Variants in DEF8 observed in about 807,000 individuals in gnomAD.
DEF8 encodes the protein DEF-8.
A neutral mutation model predicts 59.1 loss-of-function variants in DEF8; 38 were observed. The observed-to-expected ratio is 0.64, with a 90% CI of 0.50 to 0.84. DEF8 has a LOEUF of 0.84. Ranked by LOEUF, DEF8 falls within the 40% of genes least tolerant of loss-of-function variation. The pLI is 0.00. For missense variants in DEF8, 557 were observed against 615.2 expected, an observed-to-expected ratio of 0.91 and a Z score of 1.00; for synonymous variants, 265 against 250.1, an observed-to-expected ratio of 1.06 and a Z score of -0.56.
rs2032748651 is a variant in DEF8 at position 89,954,380 on chromosome 16, G to A, written c.124+4G>A. ...GTCCCGGACGTCACTCCTGAAGGTG[G>A]GTGCTGGTGGGAGTCAGGGTGGGAG... On this transcript the variant is annotated splice_donor_region_variant and intron_variant, in intron 3 of 12. Transcript: ENST00000563594. This position sits in a 1 kb window ranked among gnomAD's most constrained non-coding sequence, Gnocchi z 4.3. The A allele has an allele frequency of 1.2e-6, 2 of 1,612,888 alleles. No homozygotes were observed. Among genetic ancestry groups the A allele is most frequent in the South Asian group, 2.2e-5 (2 of 91,002 alleles).
At chr16:89,953,857 G>C (rs1209696654) in intron 2 of DEF8, among the ~76,000 whole-genome samples, 1 of 152,208 alleles carries the variant, frequency 6.6e-6, no homozygotes. Context: ...AAGCTAGAGC[G>C]GGGCTGAGTG....
rs1261486916 is a variant in DEF8 at position 89,954,177 on chromosome 16, G to A, written c.-10-66G>A. 1 of 1,570,502 alleles carries A rather than the reference G, an allele frequency of 6.4e-7. No homozygotes were observed. On this transcript the variant is annotated intron_variant, in intron 2 of 12. Coordinates refer to ENST00000563594, the MANE Select transcript of DEF8 (RefSeq NM_001242818.2). The surrounding 1 kb of genome is among the most constrained non-coding windows in gnomAD (Gnocchi z 4.3). ...ACCCCAGACACCCCAGTGTGGTTGG[G>A]GAAAGGGGGTGGTCCGTGGTGAGCC...
At chr16:89,956,462 A>AAT (rs1567792379) in intron 4 of DEF8, 1 of 151,980 alleles carries the variant, frequency 6.6e-6, no homozygotes, top group Non-Finnish European at 1.5e-5. Context: ...TCTGAAAAAA[A>AAT]AAAAAAGAGG....
intron 11 of DEF8, 48 bp downstream of exon 11, chr16:89,964,358 G>A (rs746077709): frequency 1.9e-6 from 3 of 1,550,020 alleles, no homozygotes; most frequent in East Asian, 2.4e-5. Flanking sequence ...AGCCCTGAGG[G>A]GGGATTGGCA....
rs1421629133 is a variant in DEF8, at chr16:89,948,894, C to G, written c.-108+80C>G. On this transcript the variant is annotated intron_variant, in intron 1 of 12. Transcript: ENST00000563594. The stretch of plus-strand genomic sequence containing the variant: ...ACGGGGCCGGCGGGGACGGGGTCGG[C>G]GGGGTCGGGGCTGGGAGGGACGGGG... 3 of 45,204 alleles carry G rather than the reference C, an allele frequency of 6.6e-5. 1 individual carries two copies. Among genetic ancestry groups the G allele is most frequent in the African/African-American group, 5.5e-4 (3 of 5,464 alleles). The allele number at this position is 45,204 out of a possible 1,614,324, so 2.8% of individuals were successfully genotyped here.
chr16:89,960,816 G>A, intron 6 of DEF8, 115 bp from the exon 7 acceptor site: 1 of 1,105,236 alleles, frequency 9.0e-7, no homozygotes, highest in Non-Finnish European at 1.3e-6. Context: ...GGAGGTCTTA[G>A]ATTGATCTGG....
chr16:89,961,721 C>A lies in DEF8; in HGVS notation c.680-16C>A. 1 of 1,612,448 alleles carries A rather than the reference C, an allele frequency of 6.2e-7. No individual in the cohort carries two copies. Among genetic ancestry groups the A allele is most frequent in the Non-Finnish European group, 8.5e-7 (1 of 1,179,952 alleles). Reference sequence around the variant, plus strand: ...TTTGTGAGGCAGGGACACTCAGGGCCCCTCTGACCCTGCAGGGGGTGTGCC... The same window carrying A: ...TTTGTGAGGCAGGGACACTCAGGGCACCTCTGACCCTGCAGGGGGTGTGCC... On this transcript the variant is annotated splice_polypyrimidine_tract_variant and intron_variant, in intron 7 of 12. Transcript: ENST00000563594.
intron 4 of DEF8, 40 bp from the exon 5 acceptor site, chr16:89,957,471 A>G (rs1389662594): frequency 6.5e-7 from 1 of 1,548,142 alleles, no homozygotes; most frequent in Admixed American, 2.0e-5. Context: ...GAGCTCCTGC[A>G]GGATGGGCCT....
chr16:89,962,246 C>G (rs746936134), intron 9 of DEF8, 121 bp downstream of exon 9: 5 of 868,296 alleles, frequency 5.8e-6, no homozygotes, highest in Admixed American at 2.2e-5. Flanking sequence ...GGGAGGCCAC[C>G]TGCTTAGGGT....
chr16:89,957,980 C>G (rs1053943330), intron 5 of DEF8: 3 of 203,240 alleles, frequency 1.5e-5, no homozygotes, highest in Non-Finnish European at 3.0e-5. Context: ...TCTTCCAACT[C>G]GACTTCCTGT....
At chr16:89,962,650 C>G (rs1366920607) in intron 9 of DEF8, among the ~76,000 whole-genome samples, 1 of 152,074 alleles carries the variant, frequency 6.6e-6, no homozygotes, top group Non-Finnish European at 1.5e-5. Flanking sequence ...GAGCGAAACT[C>G]TGTCTCAAAA....
chr16:89,949,340 G>C, intron 1 of DEF8, 77 bp from the exon 2 acceptor site: 2 of 1,218,100 alleles, frequency 1.6e-6, no homozygotes, highest in East Asian at 2.4e-5. Flanking sequence ...TGCCCCCGAG[G>C]AGCCCGGGAG....
At chr16:89,961,667 A>C in intron 7 of DEF8, 70 bp from the exon 8 acceptor site, 1 of 1,591,426 alleles carries the variant, frequency 6.3e-7, no homozygotes, top group Non-Finnish European at 8.5e-7. Flanking sequence ...GGGAGGACAG[A>C]CCATGAGGCT....
In DEF8 at chr16:89,967,137, C is replaced by A. The variant is rs984895049; in HGVS notation, c.*1174C>A. On this transcript the variant is annotated 3_prime_UTR_variant, in exon 13 of 13. Transcript: ENST00000563594. ...GGCCTCAGGAGAGGACGTGTCAGGA[C>A]GTGGCTTCCCAGCCTTCTGCCTTGG... 4 of 397,070 alleles carry A rather than the reference C, an allele frequency of 1.0e-5. No homozygotes were observed. The highest frequency in any genetic ancestry group is 1.3e-5 in the Non-Finnish European group (3 of 225,668). The allele number at this position is 397,070 out of a possible 1,614,324, so 24.6% of individuals were successfully genotyped here.
At chr16:89,955,356 G>T in intron 4 of DEF8, 90 bp downstream of exon 4, 2 of 1,082,024 alleles carry the variant, frequency 1.8e-6, no homozygotes, top group South Asian at 2.6e-5. Context: ...CTCCCAGGTG[G>T]CAGGGCAGTG....
rs1203778735 is a variant in DEF8 at position 89,961,010 on chromosome 16, T to C, written c.594T>C (p.Ala198=). ...PCVSSKVSHQ[A]EYELNICPET... is the part of the protein sequence containing the mutation. ...TGAGCTCCAAAGTCAGCCACCAAGC[T>C]GAATACGAACTGAACATCTGCCCTG... The change falls in exon 7 of 13, where the codon GCT becomes GCC. Residue 198 remains alanine (A), a synonymous_variant. Transcript: ENST00000563594. The C allele has an allele frequency of 4.3e-6, 7 of 1,614,158 alleles. No individual in the cohort carries two copies. The highest frequency in any genetic ancestry group is 5.9e-6 in the Non-Finnish European group (7 of 1,180,028).
In DEF8 at chr16:89,950,413, G is replaced by A. The variant is rs1250573008; in HGVS notation, c.-11+900G>A. The stretch of plus-strand genomic sequence containing the variant: ...TGATTTTTTTTTTTTTTTTGAGATG[G>A]AGTTTTGCTGTGTTGCCTAGGCTGG... On this transcript the variant is annotated intron_variant, in intron 2 of 12. Transcript: ENST00000563594. 3 of 869,478 alleles carry A rather than the reference G, an allele frequency of 3.5e-6. No homozygotes were observed. In the African/African-American group the frequency reaches 5.5e-5, roughly 16 times the overall value. The allele number at this position is 869,478 out of a possible 1,614,324, so 53.9% of individuals were successfully genotyped here.
At position 89,954,278 on chromosome 16, in the gene DEF8, G is replaced by A. The variant is rs373457887; in HGVS notation, c.26G>A (p.Arg9His). The A allele has an allele frequency of 1.7e-5, 27 of 1,613,250 alleles. No homozygotes were observed. Among genetic ancestry groups the A allele is most frequent in the South Asian group, 5.5e-5 (5 of 91,054 alleles). The change falls in exon 3 of 13, where the codon CGT becomes CAT. Residue 9 changes from arginine (R) to histidine (H), a missense_variant. Coordinates refer to ENST00000563594, the MANE Select transcript of DEF8 (RefSeq NM_001242818.2). The surrounding 1 kb of genome is among the most constrained non-coding windows in gnomAD (Gnocchi z 4.3). ...ATGGAATATGATGAGAAGCTGGCCC[G>A]TTTCCGGCAGGCCCACCTCAACCCC... MEYDEKLA[R>H]FRQAHLNPFN...
chr16:89,961,740 G>C lies in DEF8; in HGVS notation c.683G>C (p.Gly228Ala). The C allele has an allele frequency of 1.2e-6, 2 of 1,613,286 alleles. No individual in the cohort carries two copies. Among genetic ancestry groups the C allele is most frequent in the South Asian group, 1.1e-5 (1 of 91,076 alleles). Reference protein sequence around the residue: ...AECRAPISLRGVPSEARQCDY... With the variant: ...AECRAPISLRAVPSEARQCDY... ...CAGGGCCCCTCTGACCCTGCAGGGG[G>C]TGTGCCCAGTGAGGCCAGGCAGTGC... Residue 228 changes from glycine to alanine, a missense_variant, in exon 8 of 13, where the codon GGT becomes GCT. By Grantham distance (60) the Gly-to-Ala change is moderately conservative. Transcript: ENST00000563594.
Sources: gnomAD v4.1 joint callset for allele counts (sites outside exome capture counted in the v4.1 genomes callset) on GRCh38, gnomAD v4.1.1 for gene constraint, Gnocchi (gnomAD v3.1) non-coding constraint, MANE v1.5 for transcripts, NCBI Gene and HGNC (gene_info 2026-07-23, HGNC 2026-07-21) for gene names.